Variants in DOCK4 observed in about 807,000 individuals in gnomAD.
DOCK4 encodes the protein dedicator of cytokinesis protein 4.
DOCK4 carries 97 observed loss-of-function variants against 268.1 expected under a neutral mutation model. The ratio of observed to expected loss-of-function variants is 0.36; its 90% CI spans 0.31 to 0.43. The LOEUF (loss-of-function observed/expected upper bound fraction) is 0.43. Among genes scored for constraint, DOCK4 ranks in the 20% least tolerant of loss-of-function variants. The pLI is 1.00. For synonymous variants in DOCK4, 954 were observed against 887.2 expected (o/e 1.08, Z -1.34); for missense variants, 2,145 against 2,455.7 (o/e 0.87, Z 2.67).
At chr7:112,026,612 G>C (rs1802816791) in intron 1 of DOCK4, among the ~76,000 whole-genome samples, 1 of 152,128 alleles carries the variant, frequency 6.6e-6, no homozygotes, top group South Asian at 2.1e-4. Context: ...GTAATATTTT[G>C]TGACATGTAA....
At chr7:111,889,450 T>A (rs1284766575) in intron 16 of DOCK4, among the ~76,000 whole-genome samples, 1 of 152,060 alleles carries the variant, frequency 6.6e-6, no homozygotes, top group Non-Finnish European at 1.5e-5. Flanking sequence ...CTACCTAAAT[T>A]TTCAGATTCC....
chr7:112,127,452 C>G (rs956614210), intron 1 of DOCK4, among the ~76,000 whole-genome samples: 3 of 147,796 alleles, frequency 2.0e-5, no homozygotes, highest in African/African-American at 7.5e-5. Flanking sequence ...GGAGATATAC[C>G]TAATGCTAAA....
At chr7:111,737,264 A>T (rs1795569210) in intron 49 of DOCK4, among the ~76,000 whole-genome samples, 1 of 152,174 alleles carries the variant, frequency 6.6e-6, no homozygotes, top group African/African-American at 2.4e-5. Context: ...AATAAATAGT[A>T]AATAGCAGTT....
chr7:111,826,606 AT>A (rs1393733542), intron 26 of DOCK4, among the ~76,000 whole-genome samples: 2 of 152,240 alleles, frequency 1.3e-5, no homozygotes, highest in African/African-American at 4.8e-5. Flanking sequence ...GCTAGAGGCC[AT>A]TATCCTAAGT....
rs1815059402 is a variant in DOCK4, at chr7:112,142,775, A to G, written c.37+63327T>C. ...TTACACTGCTACTTCACATGCATAC[A>G]TAGTATCTAGTATTGCTTTGCATGC... On this transcript the variant is annotated intron_variant, in intron 1 of 52. Transcript: ENST00000428084. Among the ~76,000 whole-genome samples, 4 of 152,090 alleles carry G rather than the reference A, an allele frequency of 2.6e-5. No individual in the cohort carries two copies. In the South Asian group the frequency reaches 8.3e-4, roughly 32 times the overall value.
intron 8 of DOCK4, among the ~76,000 whole-genome samples, chr7:111,962,816 A>AG (rs1204713484): frequency 6.6e-6 from 1 of 152,206 alleles, no homozygotes; most frequent in African/African-American, 2.4e-5. Flanking sequence ...TACCTAGAAA[A>AG]GTATGTGAAT....
chr7:111,805,354 C>G (rs139894910), intron 30 of DOCK4, among the ~76,000 whole-genome samples: 69 of 152,204 alleles, frequency 4.5e-4, no homozygotes, highest in African/African-American at 1.6e-3. Flanking sequence ...CTAAAGGATC[C>G]AAATATTTAC....
At chr7:112,108,430 C>T (rs1014538699) in intron 1 of DOCK4, among the ~76,000 whole-genome samples, 6 of 152,230 alleles carry the variant, frequency 3.9e-5, no homozygotes, top group Middle Eastern at 3.4e-3. Flanking sequence ...GCCAAGGAGA[C>T]ACTCACTCTC....
chr7:112,031,676 G>A (rs1253242324), intron 1 of DOCK4, among the ~76,000 whole-genome samples: 1 of 152,056 alleles, frequency 6.6e-6, no homozygotes, highest in Non-Finnish European at 1.5e-5. Flanking sequence ...AATTTGCTAT[G>A]TGTATTTCAT....
intron 1 of DOCK4, among the ~76,000 whole-genome samples, chr7:112,026,832 T>G (rs1260969489): frequency 6.6e-6 from 1 of 152,168 alleles, no homozygotes; most frequent in East Asian, 1.9e-4. Context: ...CCAACTTCCA[T>G]TCCCTTGCCT....
chr7:112,135,633 G>C (rs1395765920), intron 1 of DOCK4, among the ~76,000 whole-genome samples: 11 of 151,884 alleles, frequency 7.2e-5, no homozygotes, highest in Middle Eastern at 3.2e-3. Flanking sequence ...GCTGCCTGTA[G>C]ACTGCTGTGC....
At chr7:112,154,895 T>G (rs1816468117) in intron 1 of DOCK4, among the ~76,000 whole-genome samples, 1 of 152,174 alleles carries the variant, frequency 6.6e-6, no homozygotes, top group Admixed American at 6.6e-5. Flanking sequence ...CACAATACCT[T>G]GCTGTGCCTC....
intron 39 of DOCK4, among the ~76,000 whole-genome samples, chr7:111,761,910 C>T (rs1425734712): frequency 6.6e-6 from 1 of 152,158 alleles, no homozygotes; most frequent in Admixed American, 6.5e-5. Flanking sequence ...AAAAATTCTA[C>T]TCAAAAGATA....
In DOCK4 at chr7:111,819,219, A is replaced by G. The variant is rs2133951173; in HGVS notation, c.2930+3143T>C. Among the ~76,000 whole-genome samples, 2 of 152,350 alleles carry G rather than the reference A, an allele frequency of 1.3e-5. 1 individual carries two copies. Among genetic ancestry groups the G allele is most frequent in the Middle Eastern group, 6.8e-3 (2 of 294 alleles). On this transcript the variant is annotated intron_variant, in intron 27 of 52. Transcript: ENST00000428084. ...ACCTTCCTCAGTAAGCAAGTGTGTT[A>G]TAAGGTTTTTCTTCTTGAAAATATG...
Position 111,934,704 on chromosome 7 carries a change from A to ATT in DOCK4, c.1066+834_1066+835dup, listed in dbSNP as rs771289183. ...GCCACCATGCCCGGCTAATTTTTGT[A>ATT]TTTTTTTTTTTTTTTTAGTAGAGAT... On this transcript the variant is annotated intron_variant, in intron 12 of 52. Transcript: ENST00000428084. 4.9e-3 allele frequency among the ~76,000 whole-genome samples: 583 copies of ATT among 118,570 alleles called. 4 individuals carry two copies. The highest frequency in any genetic ancestry group is 0.016 in the African/African-American group (529 of 33,684). The allele number at this position is 118,570 out of a possible 152,430, so 77.8% of individuals were successfully genotyped here. A position where few individuals can be genotyped will look rare whatever the true frequency, so the allele number is the denominator to read the frequency against.
chr7:111,936,140 G>A (rs1442353775), intron 11 of DOCK4, among the ~76,000 whole-genome samples: 1 of 152,138 alleles, frequency 6.6e-6, no homozygotes, highest in Admixed American at 6.5e-5. Flanking sequence ...TCTGCCTACT[G>A]TAACATGACC....
chr7:111,934,971 G>A (rs1216053637), intron 12 of DOCK4, among the ~76,000 whole-genome samples: 1 of 151,174 alleles, frequency 6.6e-6, no homozygotes, highest in African/African-American at 2.4e-5. Context: ...CTTTGAGACA[G>A]AGTCTTACTG....
At chr7:112,059,852 A>T (rs1247478446) in intron 1 of DOCK4, among the ~76,000 whole-genome samples, 1 of 152,240 alleles carries the variant, frequency 6.6e-6, no homozygotes, top group African/African-American at 2.4e-5. Flanking sequence ...TACAAATACC[A>T]TCACTCAAAA....
intron 12 of DOCK4, among the ~76,000 whole-genome samples, chr7:111,933,140 ATATATATACG>A (rs1794354125): frequency 3.2e-5 from 2 of 63,190 alleles, no homozygotes. Context: ...GTATATACAC[ATATATATACG>A]TATATACACA....
Sources: gnomAD v4.1 joint callset for allele counts (sites outside exome capture counted in the v4.1 genomes callset) on GRCh38, gnomAD v4.1.1 for gene constraint, MANE v1.5 for transcripts, NCBI Gene and HGNC (gene_info 2026-07-23, HGNC 2026-07-21) for gene names.